Variants in STARD13 observed in about 807,000 individuals in gnomAD.
STARD13 encodes stAR-related lipid transfer protein 13.
Under a neutral mutation model 106.4 loss-of-function variants are expected in STARD13, and 62 were observed. The ratio of observed to expected loss-of-function variants is 0.58; its 90% CI spans 0.48 to 0.72. The LOEUF (loss-of-function observed/expected upper bound fraction) is 0.72. Ranked by LOEUF, STARD13 falls within the 30% of genes least tolerant of loss-of-function variation. The pLI is 0.00. For missense variants in STARD13, 1,387 were observed against 1,424.0 expected, an observed-to-expected ratio of 0.97 and a Z score of 0.42; for synonymous variants, 565 against 553.0, an observed-to-expected ratio of 1.02 and a Z score of -0.31.
At chr13:33,114,675 A>G (rs982447832) in intron 8 of STARD13, among the ~76,000 whole-genome samples, 1 of 152,116 alleles carries the variant, frequency 6.6e-6, no homozygotes, top group South Asian at 2.1e-4. Flanking sequence ...GTGTGTATAC[A>G]TTGTTTAACT....
At chr13:33,621,951 C>T in the STARD13 span, among the ~76,000 whole-genome samples, 3 of 151,292 alleles carry the variant, frequency 2.0e-5, no homozygotes, top group South Asian at 2.1e-4. Flanking sequence ...ATTACAGGTG[C>T]CCACCACCAC....
chr13:33,651,714 A>C, the STARD13 span, among the ~76,000 whole-genome samples: 1 of 152,236 alleles, frequency 6.6e-6, no homozygotes, highest in Non-Finnish European at 1.5e-5. Context: ...TCCCTTCTTT[A>C]GGAATATTAG....
At chr13:33,445,568 G>A in the STARD13 span, among the ~76,000 whole-genome samples, 2 of 151,150 alleles carry the variant, frequency 1.3e-5, no homozygotes, top group Non-Finnish European at 2.9e-5. Flanking sequence ...CCTTGTCTTA[G>A]TTTGTTTGCG....
exon 1 of STARD13, chr13:33,350,585 CG>C: frequency 7.2e-7 from 1 of 1,388,654 alleles, no homozygotes. Context: ...GCGCCACGCG[CG>C]AGGACCGGGA....
chr13:33,580,577 C>A, the STARD13 span, among the ~76,000 whole-genome samples: 7 of 151,974 alleles, frequency 4.6e-5, no homozygotes, highest in African/African-American at 1.7e-4. Context: ...ATTGGCTCAT[C>A]AATTTTAATA....
chr13:33,131,974 T>C (rs1303387224), intron 4 of STARD13, among the ~76,000 whole-genome samples: 2 of 152,266 alleles, frequency 1.3e-5, no homozygotes, highest in African/African-American at 4.8e-5. Context: ...TCTTTTTATG[T>C]ATCTAGCGTC....
the STARD13 span, among the ~76,000 whole-genome samples, chr13:33,395,427 GT>G: frequency 2.0e-5 from 3 of 151,960 alleles, no homozygotes; most frequent in Admixed American, 6.6e-5. Flanking sequence ...CTATTAATTG[GT>G]TTTATAAGAT....
At chr13:33,243,941 T>C (rs190038611) in intron 1 of STARD13, among the ~76,000 whole-genome samples, 37 of 152,052 alleles carry the variant, frequency 2.4e-4, no homozygotes, top group Non-Finnish European at 2.9e-4. Flanking sequence ...CTTGGGCACT[T>C]ATTTGGATGG....
At chr13:33,278,584 G>A (rs550401811) in intron 1 of STARD13, 3 of 152,272 alleles carry the variant, frequency 2.0e-5, no homozygotes, top group South Asian at 4.1e-4. Context: ...TTCCCTTTAT[G>A]AGATTTGTAT....
chr13:33,590,955 C>A, the STARD13 span, among the ~76,000 whole-genome samples: 29 of 152,100 alleles, frequency 1.9e-4, no homozygotes, highest in African/African-American at 6.8e-4. Context: ...TTTTAAAAGT[C>A]TCCTCGTACT....
chr13:33,515,629 G>A, the STARD13 span, among the ~76,000 whole-genome samples: 1 of 152,172 alleles, frequency 6.6e-6, no homozygotes, highest in Non-Finnish European at 1.5e-5. Context: ...TGTTGGTAGT[G>A]ATGGTTCTAC....
At chr13:33,507,229 G>T in the STARD13 span, among the ~76,000 whole-genome samples, 1 of 152,138 alleles carries the variant, frequency 6.6e-6, no homozygotes, top group Non-Finnish European at 1.5e-5. Context: ...TTGCTATTAA[G>T]TCAGATATTA....
chr13:33,366,835 C>T, the STARD13 span, among the ~76,000 whole-genome samples: 1 of 152,282 alleles, frequency 6.6e-6, no homozygotes, highest in African/African-American at 2.4e-5. The surrounding 1 kb of genome is among the most constrained non-coding windows in gnomAD (Gnocchi z 4.2). Context: ...AAACATCAAA[C>T]ACTGATTTCA....
the STARD13 span, among the ~76,000 whole-genome samples, chr13:33,665,538 T>C: frequency 6.6e-6 from 1 of 152,312 alleles, no homozygotes; most frequent in Admixed American, 6.5e-5. Context: ...TTTCACCAGC[T>C]CCCTTCTCCT....
the STARD13 span, among the ~76,000 whole-genome samples, chr13:33,608,896 C>T: frequency 1.9e-3 from 288 of 152,068 alleles, 1 homozygote; most frequent in African/African-American, 6.5e-3. Context: ...ACCATCCTGG[C>T]TAACACGGTG....
At chr13:33,424,666 C>T in the STARD13 span, among the ~76,000 whole-genome samples, 3 of 152,092 alleles carry the variant, frequency 2.0e-5, no homozygotes, top group East Asian at 3.9e-4. Context: ...AGTGGCAATT[C>T]GATTTTTTAG....
chr13:33,650,260 T>A, the STARD13 span, among the ~76,000 whole-genome samples: 1 of 128,812 alleles, frequency 7.8e-6, no homozygotes, highest in East Asian at 2.4e-4. Context: ...GCGCGATCTC[T>A]GCTCACTGCA....
At chr13:33,312,321 G>A (rs1291298099) in intron 1 of STARD13, among the ~76,000 whole-genome samples, 9 of 152,062 alleles carry the variant, frequency 5.9e-5, no homozygotes, top group Admixed American at 5.9e-4. Flanking sequence ...GGCAATCCTG[G>A]GTTCTAGATG....
At chr13:33,668,877 A>G in the STARD13 span, among the ~76,000 whole-genome samples, 20 of 152,368 alleles carry the variant, frequency 1.3e-4, no homozygotes, top group African/African-American at 2.9e-4. Context: ...AACAGCAAAA[A>G]TAGCAATTAA....
Sources: allele counts gnomAD v4.1 joint callset (sites outside exome capture counted in the v4.1 genomes callset), GRCh38; gene constraint gnomAD v4.1.1; non-coding constraint Gnocchi (gnomAD v3.1); transcripts MANE v1.5; gene names NCBI Gene and HGNC (gene_info 2026-07-23, HGNC 2026-07-21).